The following KYAT3 variants were observed in gnomAD, a reference collection of about 807,000 sequenced individuals.
The protein encoded by KYAT3 is kynurenine aminotransferase 3.
KYAT3 carries 50 observed loss-of-function variants against 59.0 expected under a neutral mutation model. That is an observed-to-expected ratio of 0.85 (90% CI 0.68 to 1.07). The LOEUF (loss-of-function observed/expected upper bound fraction) is 1.07, where lower values mean the gene tolerates loss of function less well. KYAT3 is among the 50% of genes least tolerant of loss of function. The pLI is 0.00. For missense variants in KYAT3, 497 were observed against 533.3 expected (o/e 0.93, Z 0.67); for synonymous variants, 148 against 177.0 (o/e 0.84, Z 1.30).
intron 4 of KYAT3, among the ~76,000 whole-genome samples, chr1:88,966,271 T>C (rs1676348555): frequency 6.6e-6 from 1 of 152,190 alleles, no homozygotes; most frequent in South Asian, 2.1e-4. Context: ...ATTTGACATA[T>C]TGGGTCCATA....
intron 2 of KYAT3, among the ~76,000 whole-genome samples, chr1:88,973,720 C>T (rs1409385324): frequency 6.6e-6 from 1 of 152,104 alleles, no homozygotes; most frequent in African/African-American, 2.4e-5. Context: ...TAGAAATTCA[C>T]CACCAGGTGG....
chr1:88,933,840 G>C (rs1179049876), downstream of KYAT3, among the ~76,000 whole-genome samples: 1 of 152,160 alleles, frequency 6.6e-6, no homozygotes, highest in African/African-American at 2.4e-5. Context: ...TGGCTCTTGG[G>C]GTCCTGAGCT....
intron 5 of KYAT3, among the ~76,000 whole-genome samples, chr1:88,962,633 A>AAG (rs1302016891): frequency 6.6e-6 from 1 of 152,260 alleles, no homozygotes; most frequent in East Asian, 1.9e-4. Flanking sequence ...CTTGAGAGTA[A>AAG]AGATGTTTCT....
downstream of KYAT3, among the ~76,000 whole-genome samples, chr1:88,932,081 C>T (rs907850338): frequency 4.6e-5 from 7 of 151,964 alleles, no homozygotes; most frequent in Non-Finnish European, 8.8e-5. Flanking sequence ...TTCTAGAAGC[C>T]CTGAGGTTGA....
intron 13 of KYAT3, among the ~76,000 whole-genome samples, chr1:88,941,244 T>C (rs926462394): frequency 6.6e-6 from 1 of 152,230 alleles, no homozygotes; most frequent in Non-Finnish European, 1.5e-5. Flanking sequence ...TTAATATTTA[T>C]ATTCTATTCT....
chr1:88,936,582 A>T (rs187215498), intron 13 of KYAT3, among the ~76,000 whole-genome samples: 4 of 152,208 alleles, frequency 2.6e-5, no homozygotes, highest in African/African-American at 7.2e-5. Flanking sequence ...GGCTACCACC[A>T]AAATCTAATA....
chr1:88,933,761 T>C (rs1674957930), downstream of KYAT3, among the ~76,000 whole-genome samples: 1 of 152,182 alleles, frequency 6.6e-6, no homozygotes, highest in African/African-American at 2.4e-5. Flanking sequence ...GCTGAAAATT[T>C]TGTCAAGTTC....
the KYAT3 span, among the ~76,000 whole-genome samples, chr1:88,930,452 G>A: frequency 2.0e-4 from 31 of 151,640 alleles, no homozygotes; most frequent in African/African-American, 6.1e-4. Flanking sequence ...AACCTGCGCC[G>A]CTCGAGGGGA....
intron 2 of KYAT3, among the ~76,000 whole-genome samples, chr1:88,987,173 G>A (rs1032755580): frequency 2.6e-5 from 4 of 152,156 alleles, no homozygotes; most frequent in Non-Finnish European, 5.9e-5. Context: ...ATGCATAATG[G>A]TGAGCCCTGG....
chr1:88,982,357 T>C (rs566056509), intron 2 of KYAT3: 2 of 741,490 alleles, frequency 2.7e-6, no homozygotes, highest in Non-Finnish European at 3.6e-6. Context: ...AAAAACCAGA[T>C]AGGAAGTGGT....
chr1:88,967,372 T>C (rs1676386965), intron 4 of KYAT3, among the ~76,000 whole-genome samples: 1 of 152,016 alleles, frequency 6.6e-6, no homozygotes, highest in South Asian at 2.1e-4. Flanking sequence ...ACTTTCTGAA[T>C]AAATGTGTGC....
At chr1:88,968,350 C>T (rs1676420794) in intron 4 of KYAT3, among the ~76,000 whole-genome samples, 1 of 152,140 alleles carries the variant, frequency 6.6e-6, no homozygotes. Flanking sequence ...GGTCAGTGCT[C>T]AGGCTGCATA....
Position 88,943,411 on chromosome 1 carries a change from G to A in KYAT3, c.1154C>T (p.Ser385Phe). The A allele has an allele frequency of 6.4e-7, 1 of 1,571,664 alleles. No homozygotes were observed. The highest frequency in any genetic ancestry group is 2.3e-5 in the East Asian group (1 of 44,248). The stretch of plus-strand genomic sequence containing the variant: ...ATAAGGCTCATTATTCTTCATATCA[G>A]AGAGGTCTGGATCTAAAACCACAAT... ...ADVSLLDPDL[S>F]DMKNNEPYDY... is the part of the protein sequence containing the mutation. The change falls in exon 12 of 14, where the codon TCT becomes TTT. Residue 385 changes from serine to phenylalanine, a missense_variant. By Grantham distance (155) the Ser-to-Phe change is radical (BLOSUM62 -2). This residue lies in a region of KYAT3 where 469 missense variants were observed against 479.1 expected (regional missense o/e 0.98). Coordinates refer to ENST00000260508, the MANE Select transcript of KYAT3 (RefSeq NM_001008661.3).
rs185706361 is a variant in KYAT3 at position 88,984,686 on chromosome 1, A to G, written c.99+3566T>C. Among the ~76,000 whole-genome samples, 529 of 152,324 alleles carry G rather than the reference A, an allele frequency of 3.5e-3. 5 individuals carry two copies. Among genetic ancestry groups the G allele is most frequent in the African/African-American group, 0.012 (507 of 41,568 alleles). ...TATTTGGGGAAAAAATTGTACTTCA[A>G]TAGAAAACTATGCACTGGCCACAGC... On this transcript the variant is annotated intron_variant, in intron 2 of 13. Transcript: ENST00000260508.
intron 2 of KYAT3, among the ~76,000 whole-genome samples, chr1:88,977,658 T>G (rs575773166): frequency 6.6e-6 from 1 of 152,306 alleles, no homozygotes; most frequent in South Asian, 2.1e-4. Context: ...TTTAATAAAT[T>G]TAGTATAGCA....
chr1:88,935,718 T>G, downstream of KYAT3: 1 of 313,720 alleles, frequency 3.2e-6, no homozygotes, highest in Non-Finnish European at 5.8e-6. Flanking sequence ...AACAAATAGA[T>G]GTGGTTGAGG....
At chr1:88,959,732 TTC>T (rs1676070595) in intron 8 of KYAT3, among the ~76,000 whole-genome samples, 1 of 151,910 alleles carries the variant, frequency 6.6e-6, no homozygotes, top group Non-Finnish European at 1.5e-5. Flanking sequence ...TAGTTTCTAT[TTC>T]TCTGTTTAGC....
intron 1 of KYAT3, among the ~76,000 whole-genome samples, chr1:88,989,225 T>C (rs1677640811): frequency 6.6e-6 from 1 of 152,192 alleles, no homozygotes; most frequent in Admixed American, 6.5e-5. Flanking sequence ...CTATGGAAAC[T>C]AAATAGAGCT....
At chr1:88,943,673 C>A (rs1675331375) in intron 11 of KYAT3, among the ~76,000 whole-genome samples, 1 of 152,146 alleles carries the variant, frequency 6.6e-6, no homozygotes, top group African/African-American at 2.4e-5. Flanking sequence ...CTTATACGTG[C>A]AGCTTTCAGC....
Sources: gnomAD v4.1 joint callset for allele counts (sites outside exome capture counted in the v4.1 genomes callset) on GRCh38, gnomAD v4.1.1 for gene constraint, gnomAD v4.1.1 regional missense constraint, MANE v1.5 for transcripts, NCBI Gene and HGNC (gene_info 2026-07-23, HGNC 2026-07-21) for gene names.